Variants in TSNARE1 observed in about 807,000 individuals in gnomAD.
TSNARE1 encodes the protein t-SNARE domain-containing protein 1.
A neutral mutation model predicts 62.0 loss-of-function variants in TSNARE1; 49 were observed. The observed-to-expected ratio is 0.79, with a 90% CI of 0.63 to 1.00. The LOEUF (loss-of-function observed/expected upper bound fraction) is 1.00. Ranked by LOEUF, TSNARE1 falls within the 50% of genes least tolerant of loss-of-function variation. TSNARE1 has a pLI of 0.00. For synonymous variants in TSNARE1, 328 were observed against 294.4 expected (o/e 1.11, Z -1.17); for missense variants, 755 against 700.1 (o/e 1.08, Z -0.88).
chr8:142,315,979 G>C (rs549918049), intron 7 of TSNARE1, among the ~76,000 whole-genome samples: 1 of 152,206 alleles, frequency 6.6e-6, no homozygotes, highest in Non-Finnish European at 1.5e-5. Flanking sequence ...GGAGCCATTC[G>C]CTTCACGAGG....
intron 7 of TSNARE1, among the ~76,000 whole-genome samples, chr8:142,316,171 T>G (rs1166475918): frequency 6.8e-6 from 1 of 148,082 alleles, no homozygotes; most frequent in Non-Finnish European, 1.5e-5. Context: ...CAGGCACACC[T>G]GAGTCAGAGA....
chr8:142,397,469 G>A (rs1009016636), intron 1 of TSNARE1, among the ~76,000 whole-genome samples: 3 of 152,226 alleles, frequency 2.0e-5, no homozygotes, highest in Non-Finnish European at 4.4e-5. Context: ...GGCTCCTGGA[G>A]GGGCCAAGTG....
At chr8:142,274,093 TC>T in intron 12 of TSNARE1, 2 of 985,302 alleles carry the variant, frequency 2.0e-6, no homozygotes, top group Non-Finnish European at 2.4e-6. Flanking sequence ...GGACTTAATG[TC>T]CAGCCTGCCT....
chr8:142,276,066 T>C, intron 11 of TSNARE1: 1 of 985,278 alleles, frequency 1.0e-6, no homozygotes, highest in Non-Finnish European at 1.2e-6. Context: ...CACCCCACCC[T>C]TGCCCCCAGC....
chr8:142,313,696 T>A (rs1011797220), intron 9 of TSNARE1, among the ~76,000 whole-genome samples: 3 of 152,244 alleles, frequency 2.0e-5, no homozygotes, highest in African/African-American at 7.2e-5. Flanking sequence ...TCTCTGTGCA[T>A]CTGTGTTTAT....
upstream of TSNARE1, chr8:142,404,418 G>C (rs773344806): frequency 7.2e-5 from 11 of 152,344 alleles, no homozygotes; most frequent in South Asian, 6.2e-4. Flanking sequence ...GTGTGCCCAG[G>C]CGCAAACATG....
At position 142,403,146 on chromosome 8, in the gene TSNARE1, G is replaced by C. The variant is rs1325835854; in HGVS notation, c.-82C>G. The C allele has an allele frequency of 4.0e-5, 6 of 148,472 alleles. No individual in the cohort carries two copies. Among genetic ancestry groups the C allele is most frequent in the African/African-American group, 7.3e-5 (3 of 41,158 alleles). The allele number at this position is 148,472 out of a possible 1,614,324, so 9.2% of individuals were successfully genotyped here. A position where few individuals can be genotyped will look rare whatever the true frequency, so the allele number is the denominator to read the frequency against. ...GCGGACCGCTCCGGGCGCTCACGGC[G>C]GGCGAGGCGGGCGGGGCGGGCACCC... On this transcript the variant is annotated 5_prime_UTR_variant, in exon 1 of 14. Transcript: ENST00000524325.
intron 1 of TSNARE1, among the ~76,000 whole-genome samples, chr8:142,396,391 C>T (rs1055495425): frequency 2.1e-4 from 32 of 152,130 alleles, no homozygotes; most frequent in Non-Finnish European, 3.5e-4. Flanking sequence ...GAATCTTGAG[C>T]TCCGCCCACC....
At chr8:142,374,824 G>A (rs71516687) in intron 1 of TSNARE1, among the ~76,000 whole-genome samples, 1 of 152,166 alleles carries the variant, frequency 6.6e-6, no homozygotes, top group Admixed American at 6.5e-5. Flanking sequence ...GGCGGAGGAA[G>A]GAGAGACTCA....
chr8:142,370,035 G>A lies in TSNARE1; in HGVS notation c.-39-15272C>T, dbSNP rs1587049460. Among the ~76,000 whole-genome samples, 11 of 152,276 alleles carry A rather than the reference G, an allele frequency of 7.2e-5. 1 individual carries two copies. In the South Asian group the frequency reaches 2.3e-3, roughly 32 times the overall value. ...CATGGAGGTGGAGCGCTCATGAATTGGATCAGTGCCCTTATAAATAAGACC... is the reference window on the plus strand; with the variant it reads ...CATGGAGGTGGAGCGCTCATGAATTAGATCAGTGCCCTTATAAATAAGACC... On this transcript the variant is annotated intron_variant, in intron 1 of 13. Transcript: ENST00000524325.
chr8:142,242,790 T>C (rs955611063), intron 12 of TSNARE1, among the ~76,000 whole-genome samples: 2 of 151,984 alleles, frequency 1.3e-5, no homozygotes, highest in Non-Finnish European at 2.9e-5. Flanking sequence ...GGTGAAACCC[T>C]GTCTCTACTA....
At position 142,335,475 on chromosome 8, in the gene TSNARE1, C is replaced by T. The variant is rs193048613; in HGVS notation, c.746-3644G>A. ...TACGGTGCTACTTGAAGGCGGGCTG[C>T]GGAAAGTTAAAGATCTATGCTGTAA... On this transcript the variant is annotated intron_variant, in intron 4 of 13. Transcript: ENST00000524325. 1.6e-4 allele frequency among the ~76,000 whole-genome samples: 25 copies of T among 151,994 alleles called. 1 individual carries two copies. The South Asian group carries it at 3.3e-3, about 20-fold the overall frequency.
intron 11 of TSNARE1, among the ~76,000 whole-genome samples, chr8:142,282,605 G>A (rs1413012362): frequency 7.7e-6 from 1 of 130,248 alleles, no homozygotes; most frequent in Non-Finnish European, 1.7e-5. Flanking sequence ...TCAATGAGCA[G>A]AGGGGAGGCC....
chr8:142,227,782 T>C (rs1477258114), intron 13 of TSNARE1, among the ~76,000 whole-genome samples: 1 of 152,262 alleles, frequency 6.6e-6, no homozygotes, highest in Non-Finnish European at 1.5e-5. Context: ...CAGTCCATGC[T>C]GTCCTGGCCA....
At chr8:142,235,408 C>T (rs1347078661) in intron 12 of TSNARE1, among the ~76,000 whole-genome samples, 19 of 144,364 alleles carry the variant, frequency 1.3e-4, no homozygotes, top group African/African-American at 4.3e-4. Flanking sequence ...CCCACCCCTA[C>T]CCCCGGCCCC....
intron 2 of TSNARE1, among the ~76,000 whole-genome samples, chr8:142,349,825 C>T (rs903626396): frequency 1.3e-4 from 20 of 152,286 alleles, no homozygotes; most frequent in African/African-American, 4.3e-4. Flanking sequence ...CCTGAGTTCA[C>T]AAAGCTCATG....
At chr8:142,347,869 C>T (rs751594130) in intron 2 of TSNARE1, among the ~76,000 whole-genome samples, 2 of 151,890 alleles carry the variant, frequency 1.3e-5, no homozygotes, top group Non-Finnish European at 2.9e-5. Context: ...ATCCGTTCAC[C>T]CAAGTCCAGA....
chr8:142,305,828 C>T (rs887148302), intron 9 of TSNARE1, among the ~76,000 whole-genome samples: 1 of 152,228 alleles, frequency 6.6e-6, no homozygotes, highest in Non-Finnish European at 1.5e-5. Context: ...CCCCACAGGG[C>T]TCAGGGCCTG....
chr8:142,222,383 CTCAG>C (rs1171411010), intron 13 of TSNARE1, among the ~76,000 whole-genome samples: 2,033 of 85,080 alleles, frequency 0.024, 456 homozygotes, highest in Non-Finnish European at 0.034. Flanking sequence ...CACTCACTCA[CTCAG>C]TCATCCACTC....
Sources: gnomAD v4.1 joint callset for allele counts (sites outside exome capture counted in the v4.1 genomes callset) on GRCh38, gnomAD v4.1.1 for gene constraint, MANE v1.5 for transcripts, NCBI Gene and HGNC (gene_info 2026-07-23, HGNC 2026-07-21) for gene names.